ITPK1: variants seen among roughly 807,000 people sequenced by gnomAD.
ITPK1 encodes the protein inositol 1,3,4-trisphosphate 5/6-kinase.
Under a neutral mutation model 45.3 loss-of-function variants are expected in ITPK1, and 21 were observed. The ratio of observed to expected loss-of-function variants is 0.46; its 90% CI spans 0.33 to 0.67. The LOEUF (loss-of-function observed/expected upper bound fraction) is 0.67. Ranked by LOEUF, ITPK1 falls within the 30% of genes least tolerant of loss-of-function variation. The pLI is 0.02. For missense variants in ITPK1, 474 were observed against 573.5 expected, an observed-to-expected ratio of 0.83 and a Z score of 1.77; for synonymous variants, 258 against 253.6, an observed-to-expected ratio of 1.02 and a Z score of -0.16.
rs560445525 is a variant in ITPK1, at chr14:92,986,765, A to G, written c.364+7115T>C. ...CTCAGCAAGGTTAAGCTCTGAGTGA[A>G]CAGACAGGAACATTCTTCCCTAGAT... On this transcript the variant is annotated intron_variant, in intron 5 of 10. Transcript: ENST00000267615. 9.2e-5 allele frequency among the ~76,000 whole-genome samples: 14 copies of G among 152,290 alleles called. No individual in the cohort carries two copies. In the South Asian group the frequency reaches 2.9e-3, roughly 32 times the overall value.
chr14:93,029,438 A>G (rs1334780495), intron 3 of ITPK1, among the ~76,000 whole-genome samples: 1 of 152,054 alleles, frequency 6.6e-6, no homozygotes, highest in Non-Finnish European at 1.5e-5. Flanking sequence ...TAAGCCACAC[A>G]TGCCCTGGGC....
intron 2 of ITPK1, among the ~76,000 whole-genome samples, chr14:93,095,926 T>G (rs1320168300): frequency 6.6e-6 from 1 of 152,180 alleles, no homozygotes; most frequent in East Asian, 1.9e-4. Flanking sequence ...AGGATGGGGT[T>G]GTGTTCTTTT....
rs374978746 is a variant in ITPK1, at chr14:92,940,191, G to A, written c.*1370C>T. 9.4e-5 allele frequency: 93 copies of A among 985,702 alleles called. 1 individual carries two copies. Among genetic ancestry groups the A allele is most frequent in the East Asian group, 6.8e-4 (6 of 8,826 alleles). The allele number at this position is 985,702 out of a possible 1,614,324, so 61.1% of individuals were successfully genotyped here. On this transcript the variant is annotated 3_prime_UTR_variant, in exon 11 of 11. Coordinates refer to ENST00000267615, the MANE Select transcript of ITPK1 (RefSeq NM_014216.6). ...CGGGACACTCAGCACTTTCTCTAGC[G>A]TCCTCCATCTCACTGGGCAGAGGAC...
At chr14:92,992,225 G>T (rs1886824259) in intron 5 of ITPK1, among the ~76,000 whole-genome samples, 1 of 152,200 alleles carries the variant, frequency 6.6e-6, no homozygotes, top group African/African-American at 2.4e-5. Flanking sequence ...TTCTAATACA[G>T]CCTCCTGCTC....
At chr14:92,973,951 C>A (rs1885796618) in intron 5 of ITPK1, among the ~76,000 whole-genome samples, 1 of 152,230 alleles carries the variant, frequency 6.6e-6, no homozygotes, top group Non-Finnish European at 1.5e-5. Flanking sequence ...CCTAGAAAGC[C>A]ATGTGCCTTG....
At chr14:92,948,825 G>A (rs376523167) in intron 9 of ITPK1, among the ~76,000 whole-genome samples, 7 of 120,226 alleles carry the variant, frequency 5.8e-5, no homozygotes, top group East Asian at 4.8e-4. Flanking sequence ...ACCCATGCCC[G>A]GGCACCACCC....
chr14:93,108,723 TATGAAAA>T (rs1230082530), intron 2 of ITPK1, among the ~76,000 whole-genome samples: 1 of 152,206 alleles, frequency 6.6e-6, no homozygotes, highest in Non-Finnish European at 1.5e-5. Context: ...TCAGAACATG[TATGAAAA>T]AGCTGGGCGT....
intron 5 of ITPK1, among the ~76,000 whole-genome samples, chr14:92,971,786 G>A (rs533115284): frequency 3.9e-5 from 6 of 152,284 alleles, no homozygotes; most frequent in Middle Eastern, 3.4e-3. Flanking sequence ...CCCACCTCCC[G>A]GGGTGGTTGC....
At chr14:93,069,242 C>T (rs1235514760) in intron 3 of ITPK1, 1 of 154,270 alleles carries the variant, frequency 6.5e-6, no homozygotes, top group Non-Finnish European at 1.5e-5. Flanking sequence ...GGCTCTTCCC[C>T]CATAGCCTCA....
At chr14:92,962,519 A>G in intron 6 of ITPK1, 124 bp from the exon 7 acceptor site, 1 of 779,964 alleles carries the variant, frequency 1.3e-6, no homozygotes, top group South Asian at 1.4e-5. Context: ...TGGTATCTGC[A>G]CTGAGGGTGA....
chr14:93,068,848 C>G (rs573856083), intron 3 of ITPK1: 1 of 152,366 alleles, frequency 6.6e-6, no homozygotes, highest in African/African-American at 2.4e-5. Context: ...CACCACGCAA[C>G]CACGTGAGTC....
intron 7 of ITPK1, among the ~76,000 whole-genome samples, chr14:92,959,358 C>T (rs1240729755): frequency 6.6e-6 from 1 of 152,240 alleles, no homozygotes; most frequent in East Asian, 1.9e-4. Flanking sequence ...GAGCTGGCTG[C>T]CTCCCCAGCT....
intron 2 of ITPK1, among the ~76,000 whole-genome samples, chr14:93,103,062 T>C (rs1250149079): frequency 1.5e-5 from 2 of 131,264 alleles, no homozygotes; most frequent in African/African-American, 6.0e-5. Context: ...ATCGCGCCAC[T>C]GCACTCCAGC....
chr14:93,014,699 G>A lies in ITPK1; in HGVS notation c.246+1977C>T, dbSNP rs1204456686. On this transcript the variant is annotated intron_variant, in intron 4 of 10. Transcript: ENST00000267615. This position sits in a 1 kb window ranked among gnomAD's most constrained non-coding sequence, Gnocchi z 4.4. ...CGACAGGTGAGGAGAGCAAGCTAGC[G>A]CAGGCTCAAATCCCACCTGGACCAC... 8.5e-5 allele frequency among the ~76,000 whole-genome samples: 13 copies of A among 152,216 alleles called. No individual in the cohort carries two copies. Among genetic ancestry groups the A allele is most frequent in the Non-Finnish European group, 1.8e-4 (12 of 68,038 alleles).
Position 93,107,152 on chromosome 14 carries a change from T to TA in ITPK1, c.95+7916_95+7917insT, listed in dbSNP as rs1234855170. 2.6e-5 allele frequency among the ~76,000 whole-genome samples: 4 copies of TA among 152,098 alleles called. No homozygotes were observed. In the East Asian group the frequency reaches 5.8e-4, roughly 22 times the overall value. The stretch of plus-strand genomic sequence containing the variant: ...TTTGTATTTTTAGTAGAGATAGGTA[T>TA]TCACCATGTTGCCCAGGCTGGTCTT... On this transcript the variant is annotated intron_variant, in intron 2 of 10. Transcript: ENST00000267615.
At chr14:93,035,861 A>T (rs1889294663) in intron 3 of ITPK1, among the ~76,000 whole-genome samples, 1 of 152,198 alleles carries the variant, frequency 6.6e-6, no homozygotes. Context: ...CTCCCACCAG[A>T]AACCAGCTGG....
At position 92,940,663 on chromosome 14, in the gene ITPK1, A is replaced by C; in HGVS notation, c.*898T>G. The C allele has an allele frequency of 7.9e-7, 1 of 1,264,542 alleles. No individual in the cohort carries two copies. The highest frequency in any genetic ancestry group is 5.6e-5 in the East Asian group (1 of 17,734). The allele number at this position is 1,264,542 out of a possible 1,614,324, so 78.3% of individuals were successfully genotyped here. ...AAAGGCAGGCTGCATCCCAGGGGTTAGGGCACAAAGCCAGCCCTGTGGTGC... is the reference window on the plus strand; with the variant it reads ...AAAGGCAGGCTGCATCCCAGGGGTTCGGGCACAAAGCCAGCCCTGTGGTGC... On this transcript the variant is annotated 3_prime_UTR_variant, in exon 11 of 11. Transcript: ENST00000267615.
chr14:92,943,624 C>T (rs1254871783), intron 10 of ITPK1, among the ~76,000 whole-genome samples: 1 of 152,228 alleles, frequency 6.6e-6, no homozygotes, highest in Admixed American at 6.5e-5. Flanking sequence ...TCCAGCATCC[C>T]CAGACAACGC....
intron 2 of ITPK1, among the ~76,000 whole-genome samples, chr14:93,079,351 A>G (rs1470089638): frequency 6.6e-6 from 1 of 152,202 alleles, no homozygotes; most frequent in Non-Finnish European, 1.5e-5. Context: ...CTTGAAGCTC[A>G]CCACTCACCA....
Sources: gnomAD v4.1 joint callset for allele counts (sites outside exome capture counted in the v4.1 genomes callset) on GRCh38, gnomAD v4.1.1 for gene constraint, Gnocchi (gnomAD v3.1) non-coding constraint, MANE v1.5 for transcripts, NCBI Gene and HGNC (gene_info 2026-07-23, HGNC 2026-07-21) for gene names.